GUCA1C: variants seen among roughly 807,000 people sequenced by gnomAD.
The protein encoded by GUCA1C is guanylate cyclase activator 1C.
Under a neutral mutation model 16.2 loss-of-function variants are expected in GUCA1C, and 15 were observed. The observed-to-expected ratio is 0.93, with a 90% CI of 0.62 to 1.43. GUCA1C has a LOEUF of 1.43. Among genes scored for constraint, GUCA1C ranks in the 40% most tolerant of loss-of-function variants. GUCA1C has a pLI of 0.00. For synonymous variants in GUCA1C, 78 were observed against 85.4 expected (o/e 0.91, Z 0.48); for missense variants, 275 against 244.8 (o/e 1.12, Z -0.82).
intron 3 of GUCA1C, among the ~76,000 whole-genome samples, chr3:108,909,326 T>C (rs572445008): frequency 6.6e-6 from 1 of 152,178 alleles, no homozygotes; most frequent in Non-Finnish European, 1.5e-5. Context: ...TAGGGCCCCA[T>C]GTGTGTCACA....
chr3:108,953,103 C>G (rs749082796), intron 1 of GUCA1C, among the ~76,000 whole-genome samples: 2 of 152,150 alleles, frequency 1.3e-5, no homozygotes, highest in Non-Finnish European at 1.5e-5. Context: ...GATTTGAGTA[C>G]AGACAACATG....
intron 1 of GUCA1C, among the ~76,000 whole-genome samples, chr3:108,925,076 A>C (rs888936686): frequency 4.0e-5 from 6 of 148,468 alleles, no homozygotes; most frequent in African/African-American, 1.5e-4. Flanking sequence ...TTTTCAAAGA[A>C]CCAGCTTTTT....
intron 1 of GUCA1C, among the ~76,000 whole-genome samples, chr3:108,952,117 AAC>A (rs1251412339): frequency 6.6e-5 from 10 of 152,352 alleles, no homozygotes; most frequent in Admixed American, 4.6e-4. Flanking sequence ...TGTCTAGAGC[AAC>A]AGACTTTCAT....
chr3:108,926,150 C>T (rs1946621230), intron 1 of GUCA1C, among the ~76,000 whole-genome samples: 1 of 151,512 alleles, frequency 6.6e-6, no homozygotes. Context: ...TGATATTTTC[C>T]TGTTGGCTAG....
intron 1 of GUCA1C, among the ~76,000 whole-genome samples, chr3:108,938,461 A>G (rs147082747): frequency 1.8e-3 from 275 of 152,360 alleles, no homozygotes; most frequent in African/African-American, 6.2e-3. Context: ...ACAATTGATC[A>G]ATAATTGTCA....
intron 2 of GUCA1C, among the ~76,000 whole-genome samples, chr3:108,919,938 G>T (rs1195657919): frequency 6.6e-6 from 1 of 152,040 alleles, no homozygotes; most frequent in Non-Finnish European, 1.5e-5. Context: ...CTCCATTGGG[G>T]TGGTGGTACA....
chr3:108,915,654 C>T (rs1207970715), intron 3 of GUCA1C, among the ~76,000 whole-genome samples: 2 of 152,052 alleles, frequency 1.3e-5, no homozygotes, highest in Non-Finnish European at 2.9e-5. Context: ...GTGGACTCTT[C>T]TCCAGAAATG....
At chr3:108,916,672 G>A (rs554394549) in intron 2 of GUCA1C, among the ~76,000 whole-genome samples, 3 of 152,264 alleles carry the variant, frequency 2.0e-5, no homozygotes, top group African/African-American at 7.2e-5. Flanking sequence ...GGTTCTTTGT[G>A]CCCTTTTGTG....
chr3:108,935,286 C>A (rs1946714000), intron 1 of GUCA1C, among the ~76,000 whole-genome samples: 1 of 151,832 alleles, frequency 6.6e-6, no homozygotes, highest in Admixed American at 6.6e-5. Flanking sequence ...GTATTCAAAA[C>A]CTCAGCATCA....
chr3:108,952,898 C>T (rs1015196234), intron 1 of GUCA1C, among the ~76,000 whole-genome samples: 9 of 150,262 alleles, frequency 6.0e-5, no homozygotes, highest in African/African-American at 2.2e-4. Context: ...ATTCTTTTCT[C>T]TTCTTTGTAT....
chr3:108,910,480 A>T (rs1222650572), intron 3 of GUCA1C, among the ~76,000 whole-genome samples: 3 of 148,530 alleles, frequency 2.0e-5, no homozygotes, highest in East Asian at 4.1e-4. Context: ...CCTGGGTGAC[A>T]CAGCGAGACT....
chr3:108,914,119 AT>A, intron 3 of GUCA1C, among the ~76,000 whole-genome samples: 1 of 152,314 alleles, frequency 6.6e-6, no homozygotes, highest in African/African-American at 2.4e-5. Context: ...CAATTAGTGT[AT>A]TTAGTTTTAT....
intron 3 of GUCA1C, among the ~76,000 whole-genome samples, chr3:108,911,338 C>G (rs1391711686): frequency 6.6e-6 from 1 of 152,148 alleles, no homozygotes; most frequent in Non-Finnish European, 1.5e-5. Context: ...CCTACATTAG[C>G]ATTTCTGGTC....
chr3:108,931,673 T>C (rs1228355294), intron 1 of GUCA1C, among the ~76,000 whole-genome samples: 4 of 152,156 alleles, frequency 2.6e-5, no homozygotes, highest in Non-Finnish European at 2.9e-5. Flanking sequence ...GGGTACATAC[T>C]TATTCTATGA....
chr3:108,930,893 A>G (rs930595198), intron 1 of GUCA1C, among the ~76,000 whole-genome samples: 2 of 152,232 alleles, frequency 1.3e-5, no homozygotes, highest in African/African-American at 4.8e-5. Context: ...AATTTATTTA[A>G]GATGACAACG....
At position 108,942,707 on chromosome 3, in the gene GUCA1C, A is replaced by C. The variant is rs73200613; in HGVS notation, c.204+10852T>G. On this transcript the variant is annotated intron_variant, in intron 1 of 3. Transcript: ENST00000261047. Reference sequence around the variant, plus strand: ...GGAACCACAGAGTTAGTACAATGTGAGGGAAACCTCTCTCAAGCTTTGATT... The same window carrying C: ...GGAACCACAGAGTTAGTACAATGTGCGGGAAACCTCTCTCAAGCTTTGATT... Among the ~76,000 whole-genome samples the C allele has an allele frequency of 9.5e-3, 1,452 of 152,310 alleles. 20 individuals carry two copies. Among genetic ancestry groups the C allele is most frequent in the Non-Finnish European group, 0.013 (901 of 68,014 alleles).
intron 1 of GUCA1C, among the ~76,000 whole-genome samples, chr3:108,932,504 A>G (rs948202818): frequency 2.6e-5 from 4 of 152,194 alleles, no homozygotes; most frequent in Middle Eastern, 3.2e-3. Flanking sequence ...TCATCTAGCC[A>G]TCTCTCCAAG....
At chr3:108,910,989 C>T (rs1002786591) in intron 3 of GUCA1C, among the ~76,000 whole-genome samples, 4 of 152,162 alleles carry the variant, frequency 2.6e-5, no homozygotes, top group Non-Finnish European at 5.9e-5. Flanking sequence ...TCAGAAACTT[C>T]ACGATTTTAT....
In GUCA1C at chr3:108,922,202, CAT is replaced by C. The variant is rs56925898; in HGVS notation, c.205-1619_205-1618del. Among the ~76,000 whole-genome samples, 307 of 44,352 alleles carry C rather than the reference CAT, an allele frequency of 6.9e-3. 6 individuals carry two copies. Among genetic ancestry groups the C allele is most frequent in the South Asian group, 0.058 (79 of 1,364 alleles). The allele number at this position is 44,352 out of a possible 152,430, so 29.1% of individuals were successfully genotyped here. A position where few individuals can be genotyped will look rare whatever the true frequency, so the allele number is the denominator to read the frequency against. On this transcript the variant is annotated intron_variant, in intron 1 of 3. Transcript: ENST00000261047. Reference sequence around the variant, plus strand: ...ACACACACACACACACACACACACACATATATATATGGATAATTTTCTTTATC... The same window carrying C: ...ACACACACACACACACACACACACACATATATATGGATAATTTTCTTTATC...
Sources: gnomAD v4.1 joint callset for allele counts (sites outside exome capture counted in the v4.1 genomes callset) on GRCh38, gnomAD v4.1.1 for gene constraint, MANE v1.5 for transcripts, NCBI Gene and HGNC (gene_info 2026-07-23, HGNC 2026-07-21) for gene names.